Variants in PACRG observed in about 807,000 individuals in gnomAD.
PACRG encodes the protein parkin coregulated gene protein.
A neutral mutation model predicts 29.7 loss-of-function variants in PACRG; 29 were observed. That is an observed-to-expected ratio of 0.98 (90% CI 0.73 to 1.33). The LOEUF (loss-of-function observed/expected upper bound fraction) is 1.33, where lower values mean the gene tolerates loss of function less well. Ranked by LOEUF, PACRG falls within the 40% of genes most tolerant of loss-of-function variation. The pLI is 0.00. For missense variants in PACRG, 279 were observed against 316.2 expected, an observed-to-expected ratio of 0.88 and a Z score of 0.89; for synonymous variants, 116 against 118.7, an observed-to-expected ratio of 0.98 and a Z score of 0.15.
intron 4 of PACRG, among the ~76,000 whole-genome samples, chr6:163,163,453 G>A (rs1419596935): frequency 6.6e-6 from 1 of 152,086 alleles, no homozygotes; most frequent in Non-Finnish European, 1.5e-5. Context: ...TGCATTTTTA[G>A]TAGAGGCAGG....
In PACRG at chr6:163,259,371, G is replaced by A. The variant is rs527521889; in HGVS notation, c.614-55456G>A. 6.6e-5 allele frequency among the ~76,000 whole-genome samples: 10 copies of A among 152,224 alleles called. No homozygotes were observed. In the South Asian group the frequency reaches 1.5e-3, roughly 22 times the overall value. ...TTCCTAACAATTATCCCCATTCACC[G>A]TGTAGAACCCCATTGCTCCTTTAAC... On this transcript the variant is annotated intron_variant, in intron 4 of 4. Transcript: ENST00000366888.
intron 2 of PACRG, among the ~76,000 whole-genome samples, chr6:162,947,359 A>ATATATATCATATATGAT (rs376521730): frequency 8.2e-5 from 3 of 36,696 alleles, no homozygotes; most frequent in East Asian, 5.5e-4. Context: ...ACATATATAT[A>ATATATATCATATATGAT]ATGTAATCAT....
chr6:163,223,757 G>C (rs1781677267), intron 4 of PACRG, among the ~76,000 whole-genome samples: 2 of 152,198 alleles, frequency 1.3e-5, no homozygotes, highest in Admixed American at 1.3e-4. Flanking sequence ...AGGACCAGAA[G>C]AAACATGCTT....
intron 4 of PACRG, among the ~76,000 whole-genome samples, chr6:163,177,412 A>G (rs917356273): frequency 2.0e-5 from 3 of 152,182 alleles, no homozygotes; most frequent in Admixed American, 6.5e-5. Context: ...TGGGAGGAGA[A>G]ACCTGGAAGA....
intron 4 of PACRG, among the ~76,000 whole-genome samples, chr6:163,204,586 G>T (rs552440332): frequency 6.6e-6 from 1 of 152,222 alleles, no homozygotes; most frequent in Admixed American, 6.5e-5. Flanking sequence ...AGGAGAGGTA[G>T]AACACACTAA....
chr6:162,891,130 T>G lies in PACRG; in HGVS notation c.291+76849T>G, dbSNP rs1794724752. 3.3e-5 allele frequency among the ~76,000 whole-genome samples: 5 copies of G among 152,150 alleles called. No homozygotes were observed. The South Asian group carries it at 1.0e-3, about 31-fold the overall frequency. ...AGGACAGGAAGAGCCCGGCAAGCCTTGCTTGTGAAATGGACACGGTATATC... is the reference window on the plus strand; with the variant it reads ...AGGACAGGAAGAGCCCGGCAAGCCTGGCTTGTGAAATGGACACGGTATATC... On this transcript the variant is annotated intron_variant, in intron 2 of 4. Transcript: ENST00000366888.
intron 4 of PACRG, among the ~76,000 whole-genome samples, chr6:163,105,766 CA>C (rs1815347814): frequency 6.6e-6 from 1 of 152,106 alleles, no homozygotes; most frequent in East Asian, 1.9e-4. Flanking sequence ...TGACTTTAGT[CA>C]AATCAGTCAT....
chr6:162,821,516 C>G (rs1173507300), intron 2 of PACRG, among the ~76,000 whole-genome samples: 2 of 152,130 alleles, frequency 1.3e-5, no homozygotes, highest in African/African-American at 4.8e-5. Context: ...CAGACGACCA[C>G]CAGGGTTGAA....
At chr6:163,169,957 G>A (rs1778993523) in intron 4 of PACRG, among the ~76,000 whole-genome samples, 1 of 152,174 alleles carries the variant, frequency 6.6e-6, no homozygotes, top group Non-Finnish European at 1.5e-5. Context: ...TCCTCACAGG[G>A]TCGTCCCTCC....
rs141487304 is a variant in PACRG at position 163,059,543 on chromosome 6, A to C, written c.292-2607A>C. On this transcript the variant is annotated intron_variant, in intron 2 of 4. Transcript: ENST00000366888. ...TAAAGAGGATAAGGACATAAGGGTA[A>C]ATTCAACAATTTACCAGGAGGTTAT... 8.9e-4 allele frequency among the ~76,000 whole-genome samples: 136 copies of C among 152,314 alleles called. 2 individuals are homozygous for C. In the East Asian group the frequency reaches 0.013, roughly 14 times the overall value.
chr6:162,762,109 A>T (rs1225146900), intron 1 of PACRG, among the ~76,000 whole-genome samples: 1 of 152,148 alleles, frequency 6.6e-6, no homozygotes, highest in Non-Finnish European at 1.5e-5. Context: ...TGATGACATT[A>T]ACTGGACTTT....
intron 1 of PACRG, among the ~76,000 whole-genome samples, chr6:162,740,546 G>C (rs1780502049): frequency 6.7e-6 from 1 of 149,706 alleles, no homozygotes; most frequent in Admixed American, 6.7e-5. Flanking sequence ...TTGATCTCCT[G>C]ACCTCGCGAT....
chr6:162,727,637 C>A, upstream of PACRG: 2 of 1,582,594 alleles, frequency 1.3e-6, no homozygotes, highest in Non-Finnish European at 1.7e-6. Context: ...CGCAGAGAGG[C>A]TGTACCTGGC....
chr6:162,842,548 C>T (rs1294650403), intron 2 of PACRG, among the ~76,000 whole-genome samples: 3 of 150,506 alleles, frequency 2.0e-5, no homozygotes, highest in Non-Finnish European at 4.4e-5. Flanking sequence ...GACTCTTTAT[C>T]CAATTTGCCA....
intron 4 of PACRG, among the ~76,000 whole-genome samples, chr6:163,277,050 C>T (rs115071825): frequency 0.011 from 1,700 of 152,218 alleles, 34 homozygotes; most frequent in African/African-American, 0.039. Flanking sequence ...TTAAAATCTC[C>T]ATGCCTGTCT....
intron 4 of PACRG, among the ~76,000 whole-genome samples, chr6:163,268,819 G>A (rs769179077): frequency 2.6e-5 from 4 of 152,164 alleles, no homozygotes; most frequent in Non-Finnish European, 5.9e-5. Context: ...GCTCCCCGTA[G>A]CTTCCTTCTT....
chr6:163,068,524 G>A (rs1355766781), intron 3 of PACRG, among the ~76,000 whole-genome samples: 1 of 149,804 alleles, frequency 6.7e-6, no homozygotes, highest in East Asian at 1.9e-4. Context: ...TTTCAATTTA[G>A]AGACCTATGT....
At chr6:163,143,032 C>T (rs999417823) in intron 4 of PACRG, among the ~76,000 whole-genome samples, 3 of 152,080 alleles carry the variant, frequency 2.0e-5, no homozygotes, top group Admixed American at 1.3e-4. Flanking sequence ...GAAACGCTGG[C>T]GAAATCCAAA....
At chr6:162,989,363 T>C (rs1158008874) in intron 2 of PACRG, among the ~76,000 whole-genome samples, 1 of 152,168 alleles carries the variant, frequency 6.6e-6, no homozygotes, top group Non-Finnish European at 1.5e-5. Context: ...CAGATGGAGA[T>C]AAAAGTACGG....
Sources: gnomAD v4.1 joint callset for allele counts (sites outside exome capture counted in the v4.1 genomes callset) on GRCh38, gnomAD v4.1.1 for gene constraint, MANE v1.5 for transcripts, NCBI Gene and HGNC (gene_info 2026-07-23, HGNC 2026-07-21) for gene names.